The following CREB3L2 variants were observed in gnomAD, a reference collection of about 807,000 sequenced individuals.
CREB3L2 encodes cyclic AMP-responsive element-binding protein 3-like protein 2.
Under a neutral mutation model 57.2 loss-of-function variants are expected in CREB3L2, and 23 were observed. The ratio of observed to expected loss-of-function variants is 0.40; its 90% CI spans 0.29 to 0.57. The LOEUF (loss-of-function observed/expected upper bound fraction) is 0.57, where lower values mean the gene tolerates loss of function less well. CREB3L2 is among the 20% of genes least tolerant of loss of function. The probability of loss-of-function intolerance (pLI) is 0.42; values close to 1 mark genes in which losing one functional copy is unlikely to be tolerated. For missense variants in CREB3L2, 628 were observed against 634.7 expected (o/e 0.99, Z 0.11); for synonymous variants, 268 against 265.1 (o/e 1.01, Z -0.11).
At chr7:137,983,155 A>G (rs1268841891) in intron 1 of CREB3L2, among the ~76,000 whole-genome samples, 1 of 152,230 alleles carries the variant, frequency 6.6e-6, no homozygotes, top group Non-Finnish European at 1.5e-5. Flanking sequence ...CATGTGTGCC[A>G]TAAGAGCCTC....
At chr7:137,889,849 CCAAGAA>C (rs1799499081) in intron 8 of CREB3L2, among the ~76,000 whole-genome samples, 1 of 152,124 alleles carries the variant, frequency 6.6e-6, no homozygotes, top group African/African-American at 2.4e-5. Context: ...TACTTGAGTT[CCAAGAA>C]CTACATACGC....
chr7:137,993,915 G>C (rs1563276462), intron 1 of CREB3L2, among the ~76,000 whole-genome samples: 1 of 152,102 alleles, frequency 6.6e-6, no homozygotes, highest in East Asian at 1.9e-4. Flanking sequence ...TAGATAAAAT[G>C]GCCCATCTTC....
At chr7:137,907,525 C>T (rs1315462617) in intron 5 of CREB3L2, among the ~76,000 whole-genome samples, 1 of 152,156 alleles carries the variant, frequency 6.6e-6, no homozygotes, top group East Asian at 1.9e-4. Context: ...TACAAATTTT[C>T]AAAGTTATGT....
intron 1 of CREB3L2, among the ~76,000 whole-genome samples, chr7:137,970,206 G>A (rs1027635541): frequency 6.6e-6 from 1 of 152,212 alleles, no homozygotes. Flanking sequence ...AGAGTTAAAT[G>A]TAATAAGTCA....
At chr7:137,959,269 A>C (rs1471459967) in intron 1 of CREB3L2, among the ~76,000 whole-genome samples, 1 of 152,210 alleles carries the variant, frequency 6.6e-6, no homozygotes, top group Non-Finnish European at 1.5e-5. Flanking sequence ...GGGCCCCAAG[A>C]GTCTTTGGCA....
At chr7:137,923,193 G>A (rs73729523) in intron 2 of CREB3L2, among the ~76,000 whole-genome samples, 3,131 of 152,190 alleles carry the variant, frequency 0.021, 32 homozygotes, top group African/African-American at 0.036. Flanking sequence ...AACTGTAATC[G>A]CTGGATTAAT....
At chr7:137,910,024 C>T (rs1799974393) in intron 4 of CREB3L2, among the ~76,000 whole-genome samples, 1 of 152,176 alleles carries the variant, frequency 6.6e-6, no homozygotes, top group Admixed American at 6.5e-5. Flanking sequence ...CCACGTGGAA[C>T]TGTGAGGCCA....
chr7:137,976,339 G>C (rs992437754), intron 1 of CREB3L2, among the ~76,000 whole-genome samples: 2 of 152,142 alleles, frequency 1.3e-5, no homozygotes, highest in African/African-American at 4.8e-5. Flanking sequence ...GGTGGCATCG[G>C]CCCCAAATTT....
intron 1 of CREB3L2, among the ~76,000 whole-genome samples, chr7:137,959,286 G>C (rs186711233): frequency 3.0e-4 from 46 of 152,340 alleles, no homozygotes; most frequent in Non-Finnish European, 5.4e-4. Context: ...GGCACTTCCA[G>C]TCTCCCTCCT....
rs1024513831 is a variant in CREB3L2 at position 137,877,824 on chromosome 7, T to C, written c.*2652A>G. On this transcript the variant is annotated 3_prime_UTR_variant, in exon 12 of 12. Coordinates refer to ENST00000330387, the MANE Select transcript of CREB3L2 (RefSeq NM_194071.4). ...AAACAAATCCACTGATATTCTGGTC[T>C]TAATCCCTGAACAGAAAATGTGCAC... 4.4e-6 allele frequency: 1 copy of C among 228,536 alleles called. No individual in the cohort carries two copies. Among genetic ancestry groups the C allele is most frequent in the African/African-American group, 2.2e-5 (1 of 45,056 alleles). 14.2% of individuals were successfully genotyped at this position (228,536 alleles called of 1,614,324 possible). A position where few individuals can be genotyped will look rare whatever the true frequency, so the allele number is the denominator to read the frequency against.
At position 137,952,323 on chromosome 7, in the gene CREB3L2, T is replaced by C. The variant is rs1319503731; in HGVS notation, c.103-23957A>G. ...ATCATCTGACTTTGAAGGTTCTCCT[T>C]GTGTTTGATTTCTATTAACCATCTC... On this transcript the variant is annotated intron_variant, in intron 1 of 11. Coordinates refer to ENST00000330387, the MANE Select transcript of CREB3L2 (RefSeq NM_194071.4). 6.6e-5 allele frequency among the ~76,000 whole-genome samples: 10 copies of C among 152,308 alleles called. No homozygotes were observed. The East Asian group carries it at 1.9e-3, about 29-fold the overall frequency.
chr7:137,972,734 T>C (rs1208020960), intron 1 of CREB3L2, among the ~76,000 whole-genome samples: 3 of 23,436 alleles, frequency 1.3e-4, no homozygotes, highest in Non-Finnish European at 2.1e-4. Context: ...TATATATATA[T>C]ATAGAGAGAG....
chr7:137,987,559 G>C (rs1801812924), intron 1 of CREB3L2, among the ~76,000 whole-genome samples: 1 of 152,220 alleles, frequency 6.6e-6, no homozygotes, highest in Non-Finnish European at 1.5e-5. Flanking sequence ...GACTCCATAT[G>C]CCAAAAGTCT....
chr7:137,952,271 A>C (rs10272604), intron 1 of CREB3L2, among the ~76,000 whole-genome samples: 7,536 of 152,196 alleles, frequency 0.05, 547 homozygotes, highest in African/African-American at 0.16. Flanking sequence ...AAACTTGGAA[A>C]AGATCTTCCT....
Position 137,883,973 on chromosome 7 carries a change from C to T in CREB3L2, c.1270+1022G>A, listed in dbSNP as rs546803730. 4.1e-5 allele frequency among the ~76,000 whole-genome samples: 6 copies of T among 146,092 alleles called. 1 individual carries two copies. The highest frequency in any genetic ancestry group is 1.4e-4 in the African/African-American group (6 of 41,384). ...ACCGGAGTCCCCATATTCTCTAGAT[C>T]TTGGGCATAAGGTTTTGGAAGGCAG... On this transcript the variant is annotated intron_variant, in intron 10 of 11. Coordinates refer to ENST00000330387, the MANE Select transcript of CREB3L2 (RefSeq NM_194071.4).
intron 4 of CREB3L2, among the ~76,000 whole-genome samples, chr7:137,911,560 G>A (rs764268427): frequency 5.3e-4 from 81 of 152,240 alleles, no homozygotes; most frequent in Non-Finnish European, 9.0e-4. Context: ...GAATGGGACC[G>A]GGTGAGGTGG....
chr7:137,882,378 C>T (rs1217480981), intron 11 of CREB3L2, 34 bp downstream of exon 11: 5 of 1,534,722 alleles, frequency 3.3e-6, no homozygotes, highest in Non-Finnish European at 4.5e-6. Context: ...CATCAGTGCA[C>T]TAGAGGAGTT....
intron 2 of CREB3L2, among the ~76,000 whole-genome samples, chr7:137,919,903 G>T (rs1045176910): frequency 9.9e-5 from 15 of 152,268 alleles, no homozygotes; most frequent in Admixed American, 4.6e-4. Context: ...TTCAGAACAT[G>T]AATGACTTTT....
chr7:137,983,540 T>A (rs1360395515), intron 1 of CREB3L2, among the ~76,000 whole-genome samples: 1 of 152,212 alleles, frequency 6.6e-6, no homozygotes, highest in Non-Finnish European at 1.5e-5. Context: ...TTCAGGCAGG[T>A]GTTGTTAAAT....
Sources: allele counts gnomAD v4.1 joint callset (sites outside exome capture counted in the v4.1 genomes callset), GRCh38; gene constraint gnomAD v4.1.1; transcripts MANE v1.5; gene names NCBI Gene and HGNC (gene_info 2026-07-23, HGNC 2026-07-21).